MBD5: variants seen among roughly 807,000 people sequenced by gnomAD.
MBD5 encodes the protein methyl-CpG-binding domain protein 5.
Under a neutral mutation model 117.3 loss-of-function variants are expected in MBD5, and 13 were observed. The observed-to-expected ratio is 0.11, with a 90% CI of 0.07 to 0.18. MBD5 has a LOEUF of 0.18. Ranked by LOEUF, MBD5 falls within the 10% of genes least tolerant of loss-of-function variation. MBD5 has a pLI of 1.00. For synonymous variants in MBD5, 727 were observed against 766.4 expected, an observed-to-expected ratio of 0.95 and a Z score of 0.85; for missense variants, 1,879 against 2,093.8, an observed-to-expected ratio of 0.90 and a Z score of 2.00.
intron 3 of MBD5, among the ~76,000 whole-genome samples, chr2:148,311,160 G>A (rs139960318): frequency 5.8e-4 from 88 of 152,230 alleles, no homozygotes; most frequent in Non-Finnish European, 9.1e-4. Flanking sequence ...TGTCTATTAG[G>A]TCGGCTTGGT....
intron 4 of MBD5, among the ~76,000 whole-genome samples, chr2:148,408,129 G>T (rs1449533728): frequency 6.6e-6 from 1 of 152,024 alleles, no homozygotes; most frequent in African/African-American, 2.4e-5. Flanking sequence ...AGAAAAAGCT[G>T]CAATAAAGAA....
At chr2:148,242,342 A>C (rs1210986075) in intron 3 of MBD5, among the ~76,000 whole-genome samples, 1 of 150,706 alleles carries the variant, frequency 6.6e-6, no homozygotes, top group Non-Finnish European at 1.5e-5. Context: ...AGGTAAGTTT[A>C]TGCCTGCCAG....
At chr2:148,453,716 T>A (rs1706797459) in intron 4 of MBD5, among the ~76,000 whole-genome samples, 1 of 151,824 alleles carries the variant, frequency 6.6e-6, no homozygotes, top group East Asian at 1.9e-4. Flanking sequence ...CTTTAGTTTT[T>A]ATAATATTAT....
At chr2:148,382,169 G>T (rs1426819000) in intron 4 of MBD5, among the ~76,000 whole-genome samples, 1 of 102,884 alleles carries the variant, frequency 9.7e-6, no homozygotes, top group Non-Finnish European at 2.0e-5. Context: ...CTGGCAAATT[G>T]GATAGTCAAG....
At chr2:148,318,701 G>C (rs1702214544) in intron 3 of MBD5, among the ~76,000 whole-genome samples, 1 of 151,984 alleles carries the variant, frequency 6.6e-6, no homozygotes, top group Non-Finnish European at 1.5e-5. Flanking sequence ...TTGTTGAATA[G>C]GATGTACTTT....
intron 1 of MBD5, among the ~76,000 whole-genome samples, chr2:148,091,199 G>A (rs908743554): frequency 5.0e-4 from 76 of 152,100 alleles, no homozygotes; most frequent in Admixed American, 4.8e-3. Flanking sequence ...TCACAGATGG[G>A]TAGAATCAAT....
intron 2 of MBD5, among the ~76,000 whole-genome samples, chr2:148,210,465 T>G (rs1324794088): frequency 6.6e-6 from 1 of 152,022 alleles, no homozygotes; most frequent in Admixed American, 6.5e-5. Flanking sequence ...CCAATTATAT[T>G]TTATACTTTT....
intron 1 of MBD5, among the ~76,000 whole-genome samples, chr2:148,145,655 T>G (rs1203722011): frequency 1.3e-5 from 2 of 152,208 alleles, no homozygotes; most frequent in Admixed American, 1.3e-4. Flanking sequence ...GTTTTTAGCA[T>G]GAAGGGGTGT....
At chr2:148,295,949 A>G (rs947219400) in intron 3 of MBD5, 16 of 159,014 alleles carry the variant, frequency 1.0e-4, no homozygotes, top group Non-Finnish European at 1.5e-4. Flanking sequence ...TGTGCTTCCT[A>G]TTTGCTACAA....
At chr2:148,471,288 C>G (rs1260767670) in intron 8 of MBD5, 1 of 151,964 alleles carries the variant, frequency 6.6e-6, no homozygotes, top group Admixed American at 6.6e-5. Context: ...GTATTTTGTG[C>G]AATAGAGTCC....
rs1276918528 is a variant in MBD5, at chr2:148,363,814, C to A, written c.-557+21478C>A. On this transcript the variant is annotated intron_variant, in intron 4 of 13. Transcript: ENST00000642680. ...TTAGAGAAAAAAGAATGAAAAGGAA[C>A]AAACAAACCCTCCAAGAAATATGGG... Among the ~76,000 whole-genome samples, 5 of 152,166 alleles carry A rather than the reference C, an allele frequency of 3.3e-5. No individual in the cohort carries two copies. In the East Asian group the frequency reaches 9.7e-4, roughly 29 times the overall value.
At chr2:148,125,358 T>C (rs1242247789) in intron 1 of MBD5, among the ~76,000 whole-genome samples, 1 of 152,204 alleles carries the variant, frequency 6.6e-6, no homozygotes, top group African/African-American at 2.4e-5. Context: ...CTACCTCAAA[T>C]GTTGTATTTA....
intron 4 of MBD5, among the ~76,000 whole-genome samples, chr2:148,427,588 A>G (rs766714803): frequency 2.6e-5 from 4 of 152,026 alleles, no homozygotes; most frequent in Non-Finnish European, 4.4e-5. Flanking sequence ...GAATTGAACA[A>G]TGAAAACACA....
chr2:148,280,716 C>G lies in MBD5; in HGVS notation c.-680+47321C>G, dbSNP rs578068959. On this transcript the variant is annotated intron_variant, in intron 3 of 13. Transcript: ENST00000642680. Reference sequence around the variant, plus strand: ...AAGTGCTGGGTTTACAGGCATGAGCCACCATGCCTGGCCTAAAGTTGTTTT... The same window carrying G: ...AAGTGCTGGGTTTACAGGCATGAGCGACCATGCCTGGCCTAAAGTTGTTTT... Among the ~76,000 whole-genome samples, 7 of 152,330 alleles carry G rather than the reference C, an allele frequency of 4.6e-5. No individual in the cohort carries two copies. The South Asian group carries it at 1.4e-3, about 32-fold the overall frequency.
At chr2:148,257,636 A>C (rs112298299) in intron 3 of MBD5, among the ~76,000 whole-genome samples, 13,248 of 152,292 alleles carry the variant, frequency 0.087, 687 homozygotes, top group South Asian at 0.15. Flanking sequence ...TCAGAGGTTA[A>C]CATATCATCA....
intron 1 of MBD5, among the ~76,000 whole-genome samples, chr2:148,034,944 G>T (rs1000843240): frequency 2.0e-5 from 3 of 152,078 alleles, no homozygotes; most frequent in African/African-American, 7.2e-5. Context: ...TTTGAGCATT[G>T]GCTCCATAGA....
chr2:148,226,422 TC>T (rs763995991), intron 2 of MBD5, among the ~76,000 whole-genome samples: 6 of 152,160 alleles, frequency 3.9e-5, no homozygotes, highest in Non-Finnish European at 7.4e-5. Flanking sequence ...TTCATCCATG[TC>T]CCTACAAAGG....
intron 3 of MBD5, among the ~76,000 whole-genome samples, chr2:148,280,131 C>CA (rs3076398): frequency 0.16 from 14,447 of 91,604 alleles, 1,415 homozygotes; most frequent in African/African-American, 0.22. Flanking sequence ...AAACTAACTG[C>CA]AAAAAAAAAA....
chr2:148,244,829 G>A (rs1397550580), intron 3 of MBD5, among the ~76,000 whole-genome samples: 1 of 152,164 alleles, frequency 6.6e-6, no homozygotes, highest in African/African-American at 2.4e-5. Flanking sequence ...GATGTAGGGA[G>A]TAGTTGTCAC....
Sources: gnomAD v4.1 joint callset for allele counts (sites outside exome capture counted in the v4.1 genomes callset) on GRCh38, gnomAD v4.1.1 for gene constraint, MANE v1.5 for transcripts, NCBI Gene and HGNC (gene_info 2026-07-23, HGNC 2026-07-21) for gene names.